Variants in PRMT3 observed in about 807,000 individuals in gnomAD.
The protein encoded by PRMT3 is protein arginine methyltransferase 3.
Under a neutral mutation model 71.9 loss-of-function variants are expected in PRMT3, and 62 were observed. That is an observed-to-expected ratio of 0.86 (90% CI 0.70 to 1.07). The LOEUF (loss-of-function observed/expected upper bound fraction) is 1.07. Ranked by LOEUF, PRMT3 falls within the 50% of genes least tolerant of loss-of-function variation. The pLI, the probability that PRMT3 is intolerant of heterozygous loss-of-function variation, is 0.00. For missense variants in PRMT3, 663 were observed against 643.0 expected (o/e 1.03, Z -0.34); for synonymous variants, 213 against 220.4 (o/e 0.97, Z 0.30).
chr11:20,412,809 C>T (rs1849223708), intron 9 of PRMT3, among the ~76,000 whole-genome samples: 1 of 151,936 alleles, frequency 6.6e-6, no homozygotes, highest in South Asian at 2.1e-4. Flanking sequence ...TTATTTATAC[C>T]TATTATAAGA....
At position 20,509,158 on chromosome 11, in the gene PRMT3, A is replaced by G. The variant is rs553425216; in HGVS notation, c.*745A>G. On this transcript the variant is annotated 3_prime_UTR_variant, in exon 16 of 16. Coordinates refer to ENST00000331079, the MANE Select transcript of PRMT3 (RefSeq NM_005788.4). Reference sequence around the variant, plus strand: ...ACTAACGTATTATCTTTTTCAAACCAGATTTATGTGCAAAGGTTAAACATG... The same window carrying G: ...ACTAACGTATTATCTTTTTCAAACCGGATTTATGTGCAAAGGTTAAACATG... 1.7e-4 allele frequency: 26 copies of G among 152,428 alleles called. No homozygotes were observed. The highest frequency in any genetic ancestry group is 5.8e-4 in the African/African-American group (24 of 41,580). 9.4% of individuals were successfully genotyped at this position (152,428 alleles called of 1,614,324 possible).
intron 10 of PRMT3, among the ~76,000 whole-genome samples, chr11:20,440,937 T>C (rs367939867): frequency 6.6e-6 from 1 of 152,180 alleles, no homozygotes; most frequent in Admixed American, 6.5e-5. Context: ...CAATTATTTT[T>C]ATAGATCATG....
At chr11:20,478,564 A>G (rs1204791940) in intron 13 of PRMT3, among the ~76,000 whole-genome samples, 1 of 151,950 alleles carries the variant, frequency 6.6e-6, no homozygotes, top group Non-Finnish European at 1.5e-5. Context: ...TTGATAAATG[A>G]TAGAGATATT....
chr11:20,436,260 C>T (rs1375102850), intron 10 of PRMT3, among the ~76,000 whole-genome samples: 1 of 152,142 alleles, frequency 6.6e-6, no homozygotes, highest in Non-Finnish European at 1.5e-5. Context: ...AATTTGTCTC[C>T]CTTCTTTCCA....
At chr11:20,404,091 G>A (rs1326424589) in intron 8 of PRMT3, among the ~76,000 whole-genome samples, 3 of 150,352 alleles carry the variant, frequency 2.0e-5, no homozygotes, top group Admixed American at 6.6e-5. Context: ...ATAATTGTTT[G>A]TGCTGATTCC....
At chr11:20,451,800 C>T (rs1354986146) in intron 10 of PRMT3, among the ~76,000 whole-genome samples, 1 of 152,096 alleles carries the variant, frequency 6.6e-6, no homozygotes, top group African/African-American at 2.4e-5. Context: ...ATGGATATTG[C>T]ATCATTCCAG....
At chr11:20,503,481 T>C (rs1042181180) in intron 15 of PRMT3, among the ~76,000 whole-genome samples, 1 of 152,162 alleles carries the variant, frequency 6.6e-6, no homozygotes, top group Non-Finnish European at 1.5e-5. Flanking sequence ...CTCCAAAAAG[T>C]TTCTTCTGCA....
intron 10 of PRMT3, among the ~76,000 whole-genome samples, chr11:20,440,422 A>G (rs949978025): frequency 3.0e-4 from 45 of 151,482 alleles, no homozygotes; most frequent in South Asian, 1.0e-3. Flanking sequence ...AAGGCGGGCG[A>G]ATCACGAGGT....
intron 11 of PRMT3, among the ~76,000 whole-genome samples, chr11:20,461,160 A>G (rs767584319): frequency 6.6e-6 from 1 of 152,118 alleles, no homozygotes; most frequent in Non-Finnish European, 1.5e-5. Context: ...TCTCTCAATT[A>G]GATTGTATAT....
intron 15 of PRMT3, among the ~76,000 whole-genome samples, chr11:20,495,711 G>T (rs1430842051): frequency 2.0e-5 from 3 of 152,038 alleles, no homozygotes; most frequent in Non-Finnish European, 4.4e-5. Context: ...CTAAAAGTTA[G>T]AATTTGATTA....
Position 20,508,833 on chromosome 11 carries a change from T to C in PRMT3, c.*420T>C. 4.1e-6 allele frequency: 1 copy of C among 242,498 alleles called. No homozygotes were observed. The highest frequency in any genetic ancestry group is 2.2e-5 in the African/African-American group (1 of 45,030). The allele number at this position is 242,498 out of a possible 1,614,324, so 15.0% of individuals were successfully genotyped here. On this transcript the variant is annotated 3_prime_UTR_variant, in exon 16 of 16. Coordinates refer to ENST00000331079, the MANE Select transcript of PRMT3 (RefSeq NM_005788.4). ...AACACAGGTACTACACATTTTATTATGGACTCCTCTGAGGAGGAGTTTTTA... is the reference window on the plus strand; with the variant it reads ...AACACAGGTACTACACATTTTATTACGGACTCCTCTGAGGAGGAGTTTTTA...
At chr11:20,484,474 G>A (rs1027439384) in intron 13 of PRMT3, among the ~76,000 whole-genome samples, 10 of 152,068 alleles carry the variant, frequency 6.6e-5, no homozygotes, top group African/African-American at 2.4e-4. Context: ...TCCAGTAAGA[G>A]GTAATTGAAT....
chr11:20,489,116 A>C (rs1327975752), intron 13 of PRMT3, among the ~76,000 whole-genome samples: 1 of 152,100 alleles, frequency 6.6e-6, no homozygotes, highest in Non-Finnish European at 1.5e-5. Flanking sequence ...GTTTCCTTTC[A>C]TTCTGTTTTC....
chr11:20,404,972 G>T (rs1015664168), intron 8 of PRMT3, among the ~76,000 whole-genome samples: 2 of 152,162 alleles, frequency 1.3e-5, no homozygotes, highest in Admixed American at 1.3e-4. Flanking sequence ...GAATGGACTT[G>T]TCTTATAATA....
intron 13 of PRMT3, among the ~76,000 whole-genome samples, chr11:20,474,542 A>G (rs901467019): frequency 6.6e-6 from 1 of 152,186 alleles, no homozygotes; most frequent in African/African-American, 2.4e-5. Flanking sequence ...CCAGGACTCT[A>G]TACAGGTGCT....
In PRMT3 at chr11:20,453,434, C is replaced by A. The variant is rs556334413; in HGVS notation, c.1072+1226C>A. Among the ~76,000 whole-genome samples the A allele has an allele frequency of 2.6e-4, 39 of 150,730 alleles. No individual in the cohort carries two copies. In the East Asian group the frequency reaches 5.8e-3, roughly 23 times the overall value. The stretch of plus-strand genomic sequence containing the variant: ...GGCAGAGGTTGCAGTGAGAGGAGAT[C>A]CTGCCACTGCACTCCAGCCTGGGTG... On this transcript the variant is annotated intron_variant, in intron 11 of 15. Coordinates refer to ENST00000331079, the MANE Select transcript of PRMT3 (RefSeq NM_005788.4).
intron 13 of PRMT3, among the ~76,000 whole-genome samples, chr11:20,492,475 C>A (rs571990450): frequency 1.3e-5 from 2 of 152,178 alleles, no homozygotes; most frequent in African/African-American, 2.4e-5. Context: ...TTGCAGTGAA[C>A]CTCAGGGTTA....
At chr11:20,494,058 A>G in intron 14 of PRMT3, 89 bp downstream of exon 14, 2 of 1,448,554 alleles carry the variant, frequency 1.4e-6, no homozygotes, top group African/African-American at 1.4e-5. Context: ...AATCATAAGC[A>G]TTTTGCTGCT....
At chr11:20,464,210 A>G (rs950692541) in intron 12 of PRMT3, among the ~76,000 whole-genome samples, 17 of 152,292 alleles carry the variant, frequency 1.1e-4, no homozygotes, top group East Asian at 3.9e-4. Context: ...GATAAATACT[A>G]TTGTTTACAA....
Sources: gnomAD v4.1 joint callset for allele counts (sites outside exome capture counted in the v4.1 genomes callset) on GRCh38, gnomAD v4.1.1 for gene constraint, MANE v1.5 for transcripts, NCBI Gene and HGNC (gene_info 2026-07-23, HGNC 2026-07-21) for gene names.